The following PDE9A variants were observed in gnomAD, a reference collection of about 807,000 sequenced individuals.
PDE9A encodes the protein phosphodiesterase 9A.
A neutral mutation model predicts 87.4 loss-of-function variants in PDE9A; 60 were observed. The observed-to-expected ratio is 0.69, with a 90% confidence interval of 0.56 to 0.85. The LOEUF (loss-of-function observed/expected upper bound fraction) is 0.85. Among genes scored for constraint, PDE9A ranks in the 40% least tolerant of loss-of-function variants. The probability of loss-of-function intolerance (pLI) is 0.00; values close to 1 mark genes in which losing one functional copy is unlikely to be tolerated. For synonymous variants in PDE9A, 272 were observed against 279.4 expected, an observed-to-expected ratio of 0.97 and a Z score of 0.27; for missense variants, 665 against 779.0, an observed-to-expected ratio of 0.85 and a Z score of 1.74.
At chr21:42,762,359 C>G (rs1485986298) in intron 14 of PDE9A, 120 bp downstream of exon 14, 16 of 1,019,912 alleles carry the variant, frequency 1.6e-5, no homozygotes, top group Non-Finnish European at 2.3e-5. Flanking sequence ...CCTGGGGACC[C>G]AAGGGAACCC....
intron 9 of PDE9A, among the ~76,000 whole-genome samples, chr21:42,752,896 C>T (rs960197754): frequency 6.6e-6 from 1 of 152,236 alleles, no homozygotes; most frequent in Non-Finnish European, 1.5e-5. Flanking sequence ...TTCTAGCTCT[C>T]GGCAGAAACC....
rs1263214925 is a variant in PDE9A at position 42,760,628 on chromosome 21, G to A, written c.1002+196G>A. On this transcript the variant is annotated intron_variant, in intron 12 of 19. Transcript: ENST00000291539. This position sits in a 1 kb window ranked among gnomAD's most constrained non-coding sequence, Gnocchi z 5.2. ...GGCGAGGCTGCTCCTAGGATTACGA[G>A]AGCAGGTGAGTCCCCGACCTGGTCA... Among the ~76,000 whole-genome samples the A allele has an allele frequency of 1.3e-5, 2 of 151,902 alleles. No homozygotes were observed. The highest frequency in any genetic ancestry group is 2.9e-5 in the Non-Finnish European group (2 of 67,966).
Position 42,775,339 on chromosome 21 carries a change from T to A in PDE9A, c.*46T>A, listed in dbSNP as rs771483053. On this transcript the variant is annotated 3_prime_UTR_variant, in exon 20 of 20. Transcript: ENST00000291539. The stretch of plus-strand genomic sequence containing the variant: ...GCAGTTCTGGACGGGCTGGCCGAGC[T>A]GCGCGGGATCCTTGTGCAGGGAAGA... The A allele has an allele frequency of 6.3e-7, 1 of 1,598,112 alleles. No individual in the cohort carries two copies.
At chr21:42,715,188 C>CTTTTTTTT (rs369972172) in intron 4 of PDE9A, among the ~76,000 whole-genome samples, 14 of 104,610 alleles carry the variant, frequency 1.3e-4, no homozygotes, top group East Asian at 5.6e-4. Flanking sequence ...TGCATCTTTA[C>CTTTTTTTT]TTTTTTTTTT....
rs540266380 is a variant in PDE9A, at chr21:42,698,887, T to A, written c.219-81T>A. On this transcript the variant is annotated intron_variant, in intron 3 of 19. Coordinates refer to ENST00000291539, the MANE Select transcript of PDE9A (RefSeq NM_002606.3). Reference sequence around the variant, plus strand: ...CACCTAATCCGCTGATTTCTAATCATGCCGAGTGCTTATCTCTCCTGCCAG... The same window carrying A: ...CACCTAATCCGCTGATTTCTAATCAAGCCGAGTGCTTATCTCTCCTGCCAG... The A allele has an allele frequency of 1.7e-4, 140 of 818,880 alleles. No individual in the cohort carries two copies. The South Asian group carries it at 2.3e-3, about 13-fold the overall frequency. 50.7% of individuals were successfully genotyped at this position (818,880 alleles called of 1,614,324 possible). A position where few individuals can be genotyped will look rare whatever the true frequency, so the allele number is the denominator to read the frequency against.
At position 42,722,346 on chromosome 21, in the gene PDE9A, C is replaced by T. The variant is rs1024562719; in HGVS notation, c.263-9424C>T. ...GTATTCACCGGAGGGTGCTCAGCAC[C>T]TCGCCCTGTTGCTCTGGGTTGGGAC... On this transcript the variant is annotated intron_variant, in intron 4 of 19. Coordinates refer to ENST00000291539, the MANE Select transcript of PDE9A (RefSeq NM_002606.3). This position sits in a 1 kb window ranked among gnomAD's most constrained non-coding sequence, Gnocchi z 4.1. Among the ~76,000 whole-genome samples the T allele has an allele frequency of 3.9e-5, 6 of 152,222 alleles. No individual in the cohort carries two copies. Among genetic ancestry groups the T allele is most frequent in the Admixed American group, 1.3e-4 (2 of 15,288 alleles).
rs1340391930 is a variant in PDE9A at position 42,694,842 on chromosome 21, G to A, written c.219-4126G>A. On this transcript the variant is annotated intron_variant, in intron 3 of 19. Coordinates refer to ENST00000291539, the MANE Select transcript of PDE9A (RefSeq NM_002606.3). The surrounding 1 kb of genome is among the most constrained non-coding windows in gnomAD (Gnocchi z 5.3). ...GCTACAGGACACTCTCCAGCCCCCC[G>A]CATTGGGATGTCTGGCCCCAATCCA... Among the ~76,000 whole-genome samples the A allele has an allele frequency of 3.3e-5, 5 of 152,126 alleles. No homozygotes were observed. The highest frequency in any genetic ancestry group is 7.4e-5 in the Non-Finnish European group (5 of 68,014).
chr21:42,769,918 C>T (rs939122609), intron 17 of PDE9A, among the ~76,000 whole-genome samples: 4 of 152,200 alleles, frequency 2.6e-5, no homozygotes, highest in African/African-American at 7.2e-5. Context: ...CTCTGTGCTG[C>T]ACTCCCTGCC....
At chr21:42,663,607 G>A (rs768156610) in intron 1 of PDE9A, among the ~76,000 whole-genome samples, 21 of 152,094 alleles carry the variant, frequency 1.4e-4, no homozygotes, top group African/African-American at 4.3e-4. Flanking sequence ...AGTGCCCCCC[G>A]TCTTCCCACC....
At chr21:42,750,752 T>C (rs1602454999) in intron 8 of PDE9A, among the ~76,000 whole-genome samples, 1 of 151,352 alleles carries the variant, frequency 6.6e-6, no homozygotes, top group East Asian at 1.9e-4. Flanking sequence ...ATTTTTGTAT[T>C]ATTATTATTT....
At position 42,696,490 on chromosome 21, in the gene PDE9A, G is replaced by A. The variant is rs2060145017; in HGVS notation, c.219-2478G>A. On this transcript the variant is annotated intron_variant, in intron 3 of 19. Transcript: ENST00000291539. The surrounding 1 kb of genome is among the most constrained non-coding windows in gnomAD (Gnocchi z 5.1). ...TCGGAGAGGAGTGGGGAGCCAGGGTGGCAAAGCCCCTTCCTGCTGCCCACG... is the reference window on the plus strand; with the variant it reads ...TCGGAGAGGAGTGGGGAGCCAGGGTAGCAAAGCCCCTTCCTGCTGCCCACG... Among the ~76,000 whole-genome samples the A allele has an allele frequency of 6.6e-6, 1 of 152,292 alleles. No individual in the cohort carries two copies. Among genetic ancestry groups the A allele is most frequent in the Middle Eastern group, 3.4e-3 (1 of 294 alleles).
chr21:42,693,262 T>G (rs1019175832), intron 3 of PDE9A, among the ~76,000 whole-genome samples: 3 of 151,868 alleles, frequency 2.0e-5, no homozygotes, highest in Admixed American at 6.5e-5. Flanking sequence ...AAAGAGTGGC[T>G]TTCCACCCTG....
In PDE9A at chr21:42,660,351, C is replaced by T. The variant is rs1476858367; in HGVS notation, c.69+6468C>T. Reference sequence around the variant, plus strand: ...CAGCTTCCAGGAGCAGGTGCGGGGCCTGCAGGGACGGCTCGCAGAGAAGGC... The same window carrying T: ...CAGCTTCCAGGAGCAGGTGCGGGGCTTGCAGGGACGGCTCGCAGAGAAGGC... On this transcript the variant is annotated intron_variant, in intron 1 of 19. Transcript: ENST00000291539. The surrounding 1 kb of genome is among the most constrained non-coding windows in gnomAD (Gnocchi z 4.7). Among the ~76,000 whole-genome samples, 2 of 152,158 alleles carry T rather than the reference C, an allele frequency of 1.3e-5. No individual in the cohort carries two copies. The highest frequency in any genetic ancestry group is 2.4e-5 in the African/African-American group (1 of 41,442).
chr21:42,736,942 G>T (rs1276285683), intron 7 of PDE9A, among the ~76,000 whole-genome samples: 3 of 152,246 alleles, frequency 2.0e-5, no homozygotes, highest in African/African-American at 7.2e-5. Context: ...GAGCCCCAGA[G>T]ATTCTGAGTT....
intron 7 of PDE9A, among the ~76,000 whole-genome samples, chr21:42,738,354 A>G (rs564974315): frequency 1.3e-5 from 2 of 152,174 alleles, no homozygotes; most frequent in Non-Finnish European, 2.9e-5. Flanking sequence ...TTGAAACACA[A>G]CTCTATTCAT....
intron 8 of PDE9A, among the ~76,000 whole-genome samples, chr21:42,747,587 C>T (rs1192160961): frequency 2.6e-5 from 4 of 152,246 alleles, no homozygotes; most frequent in East Asian, 1.9e-4. Flanking sequence ...AGCAGGTGGC[C>T]GTCCCCTGAC....
chr21:42,717,671 C>T (rs1380790679), intron 4 of PDE9A, among the ~76,000 whole-genome samples: 2 of 151,316 alleles, frequency 1.3e-5, no homozygotes, highest in East Asian at 1.9e-4. Flanking sequence ...GGATTACAGG[C>T]GTGAACCACC....
chr21:42,759,448 TGTGA>T lies in PDE9A; in HGVS notation c.897+367_897+370del, dbSNP rs375607401. The stretch of plus-strand genomic sequence containing the variant: ...GTATGGGGGTGTGGATGTGAGTGTG[TGTGA>T]GTGTGGGGTGTGGATGTGAGCATGG... On this transcript the variant is annotated intron_variant, in intron 11 of 19. Coordinates refer to ENST00000291539, the MANE Select transcript of PDE9A (RefSeq NM_002606.3). The surrounding 1 kb of genome is among the most constrained non-coding windows in gnomAD (Gnocchi z 7.2). 3.7e-4 allele frequency among the ~76,000 whole-genome samples: 54 copies of T among 145,370 alleles called. No homozygotes were observed. The highest frequency in any genetic ancestry group is 1.3e-3 in the African/African-American group (50 of 38,590).
intron 7 of PDE9A, 63 bp downstream of exon 7, chr21:42,733,489 C>G (rs2052056518): frequency 1.1e-6 from 1 of 938,846 alleles, no homozygotes. Context: ...AAATTAACCA[C>G]TTGGAACGGG....
Sources: allele counts gnomAD v4.1 joint callset (sites outside exome capture counted in the v4.1 genomes callset), GRCh38; gene constraint gnomAD v4.1.1; non-coding constraint Gnocchi (gnomAD v3.1); transcripts MANE v1.5; gene names NCBI Gene and HGNC (gene_info 2026-07-23, HGNC 2026-07-21).